The following SPTBN2 variants were observed in gnomAD, a reference collection of about 807,000 sequenced individuals.
SPTBN2 encodes spectrin beta chain, non-erythrocytic 2.
In SPTBN2, 107 loss-of-function variants were observed where a neutral mutation model predicts 284.2. That is an observed-to-expected ratio of 0.38 (90% CI 0.32 to 0.44). The LOEUF (loss-of-function observed/expected upper bound fraction) is 0.44. SPTBN2 is among the 20% of genes least tolerant of loss of function. The probability of loss-of-function intolerance (pLI) is 1.00; values close to 1 mark genes in which losing one functional copy is unlikely to be tolerated. For missense variants in SPTBN2, 2,569 were observed against 3,287.1 expected, an observed-to-expected ratio of 0.78 and a Z score of 5.34; for synonymous variants, 1,289 against 1,354.8, an observed-to-expected ratio of 0.95 and a Z score of 1.07.
Position 66,707,818 on chromosome 11 carries a change from C to T in SPTBN2, c.1351G>A (p.Asp451Asn). 3 of 1,608,580 alleles carry T rather than the reference C, an allele frequency of 1.9e-6. No homozygotes were observed. Among genetic ancestry groups the T allele is most frequent in the Non-Finnish European group, 2.5e-6 (3 of 1,179,900 alleles). The change falls in exon 13 of 38, where the codon GAC becomes AAC. Residue 451 changes from aspartate to asparagine, a missense_variant and splice_region_variant. By Grantham distance (23) the Asp-to-Asn change is conservative (BLOSUM62 1). Coordinates refer to ENST00000533211, the MANE Select transcript of SPTBN2 (RefSeq NM_006946.4). The surrounding 1 kb of genome is among the most constrained non-coding windows in gnomAD (Gnocchi z 4.9). Reference protein sequence around the residue: ...LSENQRLVSQDNFGLELAAVE... With the variant: ...LSENQRLVSQNNFGLELAAVE... ...GCTGCCAGCTCCAGCCCAAAGTTGT[C>T]CTGTGTCGGGGGCAGGGAGAGGAGG...
intron 15 of SPTBN2, 36 bp downstream of exon 15, chr11:66,704,562 C>T (rs1565134516): frequency 6.2e-7 from 1 of 1,601,928 alleles, no homozygotes; most frequent in African/African-American, 1.3e-5. Flanking sequence ...CCCCCACCTC[C>T]CAAGGCTGGT....
Position 66,694,495 on chromosome 11 carries a change from C to A in SPTBN2, c.4279-132G>T. 5 of 908,016 alleles carry A rather than the reference C, an allele frequency of 5.5e-6. 1 individual carries two copies. In the Admixed American group the frequency reaches 8.0e-5, roughly 14 times the overall value. The allele number at this position is 908,016 out of a possible 1,614,324, so 56.2% of individuals were successfully genotyped here. On this transcript the variant is annotated intron_variant, in intron 21 of 37. Coordinates refer to ENST00000533211, the MANE Select transcript of SPTBN2 (RefSeq NM_006946.4). ...GCAGCTCACCCAGGGAGAGCATCCC[C>A]TCATGGGCTGGATCAGTGGATCTCG...
At position 66,694,163 on chromosome 11, in the gene SPTBN2, G is replaced by T; in HGVS notation, c.4479C>A (p.Phe1493Leu). 6.2e-7 allele frequency: 1 copy of T among 1,609,980 alleles called. No individual in the cohort carries two copies. ...RLQASREQHQFHRDVEDEILW... is the reference protein window; with the variant it reads ...RLQASREQHQLHRDVEDEILW... Reference sequence around the variant, plus strand: ...CAATCTCATCTTCCACATCGCGGTGGAACTGGTGCTGCTCGCGAGAAGCCT... The same window carrying T: ...CAATCTCATCTTCCACATCGCGGTGTAACTGGTGCTGCTCGCGAGAAGCCT... Residue 1493 changes from phenylalanine to leucine, a missense_variant, in exon 22 of 38, where the codon TTC becomes TTA. This residue lies in a region of SPTBN2 where 1,130 missense variants were observed against 1,317.3 expected (regional missense o/e 0.86). Coordinates refer to ENST00000533211, the MANE Select transcript of SPTBN2 (RefSeq NM_006946.4).
At chr11:66,690,396 G>C (rs1940462664) in intron 27 of SPTBN2, 113 bp from the exon 28 acceptor site, 1 of 1,406,656 alleles carries the variant, frequency 7.1e-7, no homozygotes, top group Non-Finnish European at 9.4e-7. Context: ...CAAAGAAGCA[G>C]GGGGAGGAGC....
At chr11:66,735,343 AG>A (rs1202653986) in intron 1 of SPTBN2, among the ~76,000 whole-genome samples, 5 of 151,472 alleles carry the variant, frequency 3.3e-5, no homozygotes, top group African/African-American at 1.2e-4. Context: ...AAAAAAAAAA[AG>A]AAAAAAAAAA....
chr11:66,743,231 T>C (rs1942913320), intron 1 of SPTBN2, among the ~76,000 whole-genome samples: 1 of 152,072 alleles, frequency 6.6e-6, no homozygotes, highest in African/African-American at 2.4e-5. Flanking sequence ...TTTCCAGAAA[T>C]AAAAGCTACC....
chr11:66,697,249 T>C (rs1391830796), intron 20 of SPTBN2, among the ~76,000 whole-genome samples: 2 of 152,012 alleles, frequency 1.3e-5, no homozygotes. Flanking sequence ...CTACTGATCA[T>C]TCCCGGGGAC....
At chr11:66,709,122 AAAGC>A in intron 10 of SPTBN2, 103 bp from the exon 11 acceptor site, 1 of 936,662 alleles carries the variant, frequency 1.1e-6, no homozygotes, top group Non-Finnish European at 1.7e-6. Flanking sequence ...TCTTCTTACA[AAAGC>A]AATATAAACT....
intron 31 of SPTBN2, 64 bp downstream of exon 31, chr11:66,688,589 G>A (rs1466149985): frequency 3.8e-5 from 60 of 1,597,698 alleles, no homozygotes; most frequent in Non-Finnish European, 4.8e-5. Flanking sequence ...TCTTCTCCAA[G>A]CAGAAGCCAG....
Position 66,718,295 on chromosome 11 carries a change from C to T in SPTBN2, c.158-2314G>A, listed in dbSNP as rs1448762489. 6.6e-6 allele frequency among the ~76,000 whole-genome samples: 1 copy of T among 152,232 alleles called. No individual in the cohort carries two copies. The highest frequency in any genetic ancestry group is 1.5e-5 in the Non-Finnish European group (1 of 68,032). Reference sequence around the variant, plus strand: ...ATTTTCCGGCCTCTTGTAATTATCCCCTCTAAGCTGCATCACGTTGTCTCC... The same window carrying T: ...ATTTTCCGGCCTCTTGTAATTATCCTCTCTAAGCTGCATCACGTTGTCTCC... On this transcript the variant is annotated intron_variant, in intron 3 of 37. Transcript: ENST00000533211. This position sits in a 1 kb window ranked among gnomAD's most constrained non-coding sequence, Gnocchi z 4.8.
chr11:66,698,868 T>A, intron 19 of SPTBN2, 83 bp from the exon 20 acceptor site: 2 of 1,602,188 alleles, frequency 1.2e-6, no homozygotes, highest in East Asian at 4.5e-5. Flanking sequence ...CCAGGAGAAG[T>A]GGGCGCCTTG....
At chr11:66,692,413 C>G (rs567448681) in intron 26 of SPTBN2, 123 bp downstream of exon 26, 2 of 1,158,802 alleles carry the variant, frequency 1.7e-6, no homozygotes, top group Non-Finnish European at 1.3e-6. Context: ...AGGACAGTGC[C>G]TGCTCAGCCT....
Position 66,719,476 on chromosome 11 carries a change from C to T in SPTBN2, c.157+1608G>A, listed in dbSNP as rs564891635. ...TACTGGCTGGAGACACAGTGCTAGG[C>T]AAATCCCATGCAGAGCTGCCTCTTC... On this transcript the variant is annotated intron_variant, in intron 3 of 37. Transcript: ENST00000533211. Among the ~76,000 whole-genome samples, 70 of 152,362 alleles carry T rather than the reference C, an allele frequency of 4.6e-4. 1 individual carries two copies. Among genetic ancestry groups the T allele is most frequent in the South Asian group, 2.7e-3 (13 of 4,828 alleles).
At chr11:66,734,697 A>G (rs1339152833) in intron 1 of SPTBN2, among the ~76,000 whole-genome samples, 1 of 152,196 alleles carries the variant, frequency 6.6e-6, no homozygotes, top group African/African-American at 2.4e-5. Flanking sequence ...TTACAGCATG[A>G]GCGCCATGAG....
chr11:66,708,092 C>A lies in SPTBN2; in HGVS notation c.1350+49G>T, dbSNP rs969488929. The A allele has an allele frequency of 1.9e-6, 3 of 1,610,828 alleles. No homozygotes were observed. The highest frequency in any genetic ancestry group is 1.7e-6 in the Non-Finnish European group (2 of 1,178,118). ...GCGGGGCTTCTTATCCACCCTGTCT[C>A]TCTCCCAGTTCTGACCAGCCTAAGC... On this transcript the variant is annotated intron_variant, in intron 12 of 37. Coordinates refer to ENST00000533211, the MANE Select transcript of SPTBN2 (RefSeq NM_006946.4). The surrounding 1 kb of genome is among the most constrained non-coding windows in gnomAD (Gnocchi z 4.4).
At chr11:66,698,923 G>A in intron 19 of SPTBN2, 69 bp downstream of exon 19, 2 of 1,603,506 alleles carry the variant, frequency 1.2e-6, no homozygotes, top group Non-Finnish European at 1.7e-6. Context: ...ACCTTGTGCT[G>A]GACTTATTCT....
chr11:66,693,631 A>G lies in SPTBN2; in HGVS notation c.4593+141T>C, dbSNP rs1484259104. ...CCACTATCTCCTACTGAGAGGACCC[A>G]CCCTCCCAAGGTGAGGAAAGACAGC... On this transcript the variant is annotated intron_variant, in intron 23 of 37. Coordinates refer to ENST00000533211, the MANE Select transcript of SPTBN2 (RefSeq NM_006946.4). This position sits in a 1 kb window ranked among gnomAD's most constrained non-coding sequence, Gnocchi z 5.7. 7.8e-7 allele frequency: 1 copy of G among 1,285,514 alleles called. No individual in the cohort carries two copies. The highest frequency in any genetic ancestry group is 1.1e-6 in the Non-Finnish European group (1 of 919,452). The allele number at this position is 1,285,514 out of a possible 1,614,324, so 79.6% of individuals were successfully genotyped here.
chr11:66,721,060 A>C, intron 3 of SPTBN2, 24 bp downstream of exon 3: 1 of 1,613,986 alleles, frequency 6.2e-7, no homozygotes, highest in Non-Finnish European at 8.5e-7. Flanking sequence ...GCATCCCCCC[A>C]CCTCGACCCT....
Position 66,708,849 on chromosome 11 carries a change from C to G in SPTBN2, c.1191+53G>C. 1 of 1,461,900 alleles carries G rather than the reference C, an allele frequency of 6.8e-7. No individual in the cohort carries two copies. The highest frequency in any genetic ancestry group is 9.6e-7 in the Non-Finnish European group (1 of 1,043,278). The allele number at this position is 1,461,900 out of a possible 1,614,324, so 90.6% of individuals were successfully genotyped here. On this transcript the variant is annotated intron_variant, in intron 11 of 37. Transcript: ENST00000533211. The surrounding 1 kb of genome is among the most constrained non-coding windows in gnomAD (Gnocchi z 4.4). ...CCCGGGTTTGGGGATGTGTGCAAGG[C>G]ATCTGGGCCAGGGCCTGCCCTGAGG...
Sources: gnomAD v4.1 joint callset for allele counts (sites outside exome capture counted in the v4.1 genomes callset) on GRCh38, gnomAD v4.1.1 for gene constraint, gnomAD v4.1.1 regional missense constraint, Gnocchi (gnomAD v3.1) non-coding constraint, MANE v1.5 for transcripts, NCBI Gene and HGNC (gene_info 2026-07-23, HGNC 2026-07-21) for gene names.